The following RD3 variants were observed in gnomAD, a reference collection of about 807,000 sequenced individuals.
RD3 encodes the protein RD3 regulator of GUCY2D.
Under a neutral mutation model 16.9 loss-of-function variants are expected in RD3, and 11 were observed. The observed-to-expected ratio is 0.65, with a 90% CI of 0.41 to 1.08. The LOEUF is 1.08. Ranked by LOEUF, RD3 falls within the 50% of genes least tolerant of loss-of-function variation. RD3 has a pLI of 0.00. For missense variants in RD3, 274 were observed against 267.4 expected (o/e 1.02, Z -0.17); for synonymous variants, 116 against 114.8 (o/e 1.01, Z -0.07).
chr1:211,478,202 C>T lies in RD3; in HGVS notation c.*834G>A, dbSNP rs61849030. The T allele has an allele frequency of 0.046, 18,206 of 398,586 alleles. 506 individuals carry two copies. The highest frequency in any genetic ancestry group is 0.096 in the Middle Eastern group (153 of 1,588). 24.7% of individuals were successfully genotyped at this position (398,586 alleles called of 1,614,324 possible). On this transcript the variant is annotated 3_prime_UTR_variant, in exon 3 of 3. Transcript: ENST00000680073. Reference sequence around the variant, plus strand: ...TGTTAGGGACTGGCCACAGCCCATGCGATGACATTGTGGCGTGGGGTAATG... The same window carrying T: ...TGTTAGGGACTGGCCACAGCCCATGTGATGACATTGTGGCGTGGGGTAATG...
rs773964686 is a variant in RD3 at position 211,478,994 on chromosome 1, C to G, written c.*42G>C. 2 of 1,540,172 alleles carry G rather than the reference C, an allele frequency of 1.3e-6. No homozygotes were observed. Among genetic ancestry groups the G allele is most frequent in the African/African-American group, 1.4e-5 (1 of 73,732 alleles). On this transcript the variant is annotated 3_prime_UTR_variant, in exon 3 of 3. Transcript: ENST00000680073. ...GCTCCGGTCACCGGCCTATCATTCC[C>G]CCTGCAGAAGGCTCCGCTTCTGGGC...
At chr1:211,486,064 T>C (rs1431171541) in intron 1 of RD3, among the ~76,000 whole-genome samples, 1 of 151,166 alleles carries the variant, frequency 6.6e-6, no homozygotes, top group Non-Finnish European at 1.5e-5. Flanking sequence ...TAACTTGAGC[T>C]AACTTGAGCC....
chr1:211,483,947 G>A (rs1705325321), intron 1 of RD3, among the ~76,000 whole-genome samples: 1 of 152,190 alleles, frequency 6.6e-6, no homozygotes, highest in Non-Finnish European at 1.5e-5. Flanking sequence ...AATGTGCTGG[G>A]CTACTGCACA....
intron 2 of RD3, among the ~76,000 whole-genome samples, chr1:211,480,874 A>G (rs4951525): frequency 0.12 from 18,314 of 152,274 alleles, 1,770 homozygotes; most frequent in East Asian, 0.49. Flanking sequence ...ACTCAAAAGT[A>G]TTGTGTTCTC....
In RD3 at chr1:211,478,895, TAGC is replaced by T; in HGVS notation, c.*138_*140del. ...TGGGGCAGGGAGTCGCTTCATTTTA[TAGC>T]AGCGTCTTGGGATGGGGCCGCCTCT... is the stretch of plus-strand genomic sequence containing the variant. On this transcript the variant is annotated 3_prime_UTR_variant, in exon 3 of 3. Coordinates refer to ENST00000680073, the MANE Select transcript of RD3 (RefSeq NM_001164688.2). The T allele has an allele frequency of 2.7e-6, 2 of 729,372 alleles. No homozygotes were observed. Among genetic ancestry groups the T allele is most frequent in the South Asian group, 3.9e-5 (2 of 51,916 alleles). The allele number at this position is 729,372 out of a possible 1,614,324, so 45.2% of individuals were successfully genotyped here.
At chr1:211,490,730 C>A (rs765678164) in intron 1 of RD3, among the ~76,000 whole-genome samples, 1 of 152,172 alleles carries the variant, frequency 6.6e-6, no homozygotes, top group Non-Finnish European at 1.5e-5. Context: ...CGGGCCTGAC[C>A]TGTGGATCCT....
intron 1 of RD3, among the ~76,000 whole-genome samples, chr1:211,482,766 T>G (rs963695278): frequency 8.6e-5 from 13 of 151,874 alleles, no homozygotes; most frequent in African/African-American, 3.2e-4. Context: ...TGAAGGGAAA[T>G]GACATTCCCG....
intron 1 of RD3, among the ~76,000 whole-genome samples, chr1:211,487,406 C>T (rs535630944): frequency 6.6e-6 from 1 of 152,288 alleles, no homozygotes; most frequent in East Asian, 1.9e-4. Flanking sequence ...ATGTGTACGC[C>T]TTTTCTCTAA....
intron 2 of RD3, 87 bp downstream of exon 2, chr1:211,481,033 C>G: frequency 1.4e-6 from 2 of 1,392,280 alleles, no homozygotes; most frequent in Non-Finnish European, 2.0e-6. Context: ...CTCCCTGACT[C>G]TAGTCCTGGT....
chr1:211,484,480 A>G (rs1705334815), intron 1 of RD3, among the ~76,000 whole-genome samples: 1 of 152,168 alleles, frequency 6.6e-6, no homozygotes, highest in Non-Finnish European at 1.5e-5. Context: ...GCTTGGCAGC[A>G]GAGGGTTCTC....
intron 1 of RD3, among the ~76,000 whole-genome samples, chr1:211,490,957 C>T (rs1198691969): frequency 1.3e-5 from 2 of 152,186 alleles, no homozygotes; most frequent in Admixed American, 1.3e-4. Context: ...TCTGCAAGGG[C>T]GAGAGGAATG....
At chr1:211,488,150 G>A (rs537871482) in intron 1 of RD3, among the ~76,000 whole-genome samples, 1 of 152,332 alleles carries the variant, frequency 6.6e-6, no homozygotes, top group East Asian at 1.9e-4. Flanking sequence ...TCGGGCAGGA[G>A]ACAATATGTG....
At chr1:211,490,241 A>G (rs1705458139) in intron 1 of RD3, among the ~76,000 whole-genome samples, 1 of 152,234 alleles carries the variant, frequency 6.6e-6, no homozygotes, top group African/African-American at 2.4e-5. Flanking sequence ...GACCCCCTGC[A>G]GGAGGGATGA....
Position 211,478,695 on chromosome 1 carries a change from G to A in RD3, c.*341C>T. On this transcript the variant is annotated 3_prime_UTR_variant, in exon 3 of 3. Transcript: ENST00000680073. ...AGAACCTAGGTCTTGCCAAAAGGCA[G>A]GGCAACTGTCCCCTTTTAGACAGAA... 3.2e-6 allele frequency: 1 copy of A among 308,462 alleles called. No individual in the cohort carries two copies. Among genetic ancestry groups the A allele is most frequent in the Non-Finnish European group, 6.0e-6 (1 of 167,644 alleles). 19.1% of individuals were successfully genotyped at this position (308,462 alleles called of 1,614,324 possible). A position where few individuals can be genotyped will look rare whatever the true frequency, so the allele number is the denominator to read the frequency against.
intron 1 of RD3, among the ~76,000 whole-genome samples, chr1:211,482,304 T>G (rs1705285639): frequency 6.6e-6 from 1 of 151,908 alleles, no homozygotes; most frequent in African/African-American, 2.4e-5. Context: ...AATCAAGCAC[T>G]GTGTACACAT....
chr1:211,491,555 G>T (rs1022917800), intron 1 of RD3, among the ~76,000 whole-genome samples: 1 of 152,112 alleles, frequency 6.6e-6, no homozygotes, highest in East Asian at 1.9e-4. Context: ...GACCCTCATC[G>T]GTTCCAACTC....
In RD3 at chr1:211,490,911, G is replaced by C. The variant is rs192559330; in HGVS notation, c.-12+857C>G. Among the ~76,000 whole-genome samples, 74 of 152,282 alleles carry C rather than the reference G, an allele frequency of 4.9e-4. 1 individual carries two copies. Among genetic ancestry groups the C allele is most frequent in the South Asian group, 1.2e-3 (6 of 4,824 alleles). On this transcript the variant is annotated intron_variant, in intron 1 of 2. Transcript: ENST00000680073. ...CTAGCAAACACGTTTCTCACGCTTTGGGTTGTATTTATCTCTTCCCCACCT... is the reference window on the plus strand; with the variant it reads ...CTAGCAAACACGTTTCTCACGCTTTCGGTTGTATTTATCTCTTCCCCACCT...
chr1:211,482,391 G>A (rs1484686103), intron 1 of RD3, among the ~76,000 whole-genome samples: 4 of 151,912 alleles, frequency 2.6e-5, no homozygotes, highest in Admixed American at 6.5e-5. Flanking sequence ...TTGAGTAAAC[G>A]CTGCAACATC....
rs1705177956 is a variant in RD3 at position 211,477,935 on chromosome 1, C to A, written c.*1101G>T. 5.1e-6 allele frequency: 2 copies of A among 392,994 alleles called. No homozygotes were observed. The highest frequency in any genetic ancestry group is 8.9e-5 in the Admixed American group (2 of 22,544). 24.3% of individuals were successfully genotyped at this position (392,994 alleles called of 1,614,324 possible). A position where few individuals can be genotyped will look rare whatever the true frequency, so the allele number is the denominator to read the frequency against. On this transcript the variant is annotated 3_prime_UTR_variant, in exon 3 of 3. Coordinates refer to ENST00000680073, the MANE Select transcript of RD3 (RefSeq NM_001164688.2). ...ATGGGTGATCCACACATTGGGTAATCCACATGCCCATCATCAAGGCCTAAC... is the reference window on the plus strand; with the variant it reads ...ATGGGTGATCCACACATTGGGTAATACACATGCCCATCATCAAGGCCTAAC...
Sources: gnomAD v4.1 joint callset for allele counts (sites outside exome capture counted in the v4.1 genomes callset) on GRCh38, gnomAD v4.1.1 for gene constraint, MANE v1.5 for transcripts, NCBI Gene and HGNC (gene_info 2026-07-23, HGNC 2026-07-21) for gene names.